The following AHCTF1 variants were observed in gnomAD, a reference collection of about 807,000 sequenced individuals.
The protein encoded by AHCTF1 is protein ELYS.
In AHCTF1, 24 loss-of-function variants were observed where a neutral mutation model predicts 248.4. The ratio of observed to expected loss-of-function variants is 0.10; its 90% CI spans 0.07 to 0.14. The LOEUF (loss-of-function observed/expected upper bound fraction) is 0.14. Ranked by LOEUF, AHCTF1 falls within the 10% of genes least tolerant of loss-of-function variation. The pLI is 1.00. For missense variants in AHCTF1, 2,206 were observed against 2,636.2 expected (o/e 0.84, Z 3.57); for synonymous variants, 786 against 929.8 (o/e 0.85, Z 2.81).
intron 1 of AHCTF1, among the ~76,000 whole-genome samples, chr1:246,930,199 G>A (rs1314761202): frequency 6.6e-6 from 1 of 152,090 alleles, no homozygotes; most frequent in African/African-American, 2.4e-5. Flanking sequence ...GCAGCGGCGC[G>A]ATCCTAGCTC....
At chr1:246,929,921 G>C (rs371220461) in intron 1 of AHCTF1, among the ~76,000 whole-genome samples, 1 of 151,938 alleles carries the variant, frequency 6.6e-6, no homozygotes, top group South Asian at 2.1e-4. Flanking sequence ...GTGTGGTGGC[G>C]TGCGCCTGTA....
intron 25 of AHCTF1, 76 bp from the exon 26 acceptor site, chr1:246,867,427 G>A (rs1662064324): frequency 9.4e-7 from 1 of 1,064,188 alleles, no homozygotes; most frequent in African/African-American, 1.6e-5. Context: ...GGAGAACAGA[G>A]GGTTTTCATT....
At chr1:246,885,449 AAC>A in intron 21 of AHCTF1, 42 bp downstream of exon 21, 1 of 1,483,386 alleles carries the variant, frequency 6.7e-7, no homozygotes, top group East Asian at 2.3e-5. Context: ...CCATTTTATT[AAC>A]AGATACGATA....
At chr1:246,878,396 CAAA>C (rs1199465751) in intron 21 of AHCTF1, among the ~76,000 whole-genome samples, 11 of 30,780 alleles carry the variant, frequency 3.6e-4, no homozygotes, top group South Asian at 2.2e-3. Context: ...GATTCTGTCT[CAAA>C]AAAAAAAAAA....
chr1:246,866,838 G>A (rs1163740830), intron 26 of AHCTF1, among the ~76,000 whole-genome samples: 3 of 152,062 alleles, frequency 2.0e-5, no homozygotes, highest in African/African-American at 4.8e-5. Flanking sequence ...AGATGTAAAC[G>A]TGCTGCATCT....
chr1:246,870,018 C>T (rs1186740638), intron 24 of AHCTF1, among the ~76,000 whole-genome samples: 1 of 152,174 alleles, frequency 6.6e-6, no homozygotes, highest in Non-Finnish European at 1.5e-5. Flanking sequence ...TGGGAGGAGT[C>T]AAACTATGCA....
chr1:246,868,368 G>A lies in AHCTF1; in HGVS notation c.3089-557C>T, dbSNP rs576701636. On this transcript the variant is annotated intron_variant, in intron 24 of 35. Coordinates refer to ENST00000648844, the MANE Select transcript of AHCTF1 (RefSeq NM_001323342.2). Reference sequence around the variant, plus strand: ...ACTCCTGACCTCATGTGATCCACCCGCCTTGGCCTCCCAAAGTGCTGGGAT... The same window carrying A: ...ACTCCTGACCTCATGTGATCCACCCACCTTGGCCTCCCAAAGTGCTGGGAT... Among the ~76,000 whole-genome samples the A allele has an allele frequency of 2.4e-4, 35 of 144,040 alleles. No homozygotes were observed. In the Middle Eastern group the frequency reaches 0.01, roughly 42 times the overall value. The allele number at this position is 144,040 out of a possible 152,430, so 94.5% of individuals were successfully genotyped here.
Position 246,851,208 on chromosome 1 carries a change from C to T in AHCTF1, c.4798G>A (p.Glu1600Lys). 1.9e-6 allele frequency: 3 copies of T among 1,613,950 alleles called. No homozygotes were observed. The highest frequency in any genetic ancestry group is 2.5e-6 in the Non-Finnish European group (3 of 1,179,862). Residue 1600 changes from glutamate (E) to lysine (K), a missense_variant, in exon 33 of 36, where the codon GAA becomes AAA. Physicochemically the swap from Glu to Lys is moderately conservative, Grantham distance 56 (BLOSUM62 1). Transcript: ENST00000648844. ...AAATCACCTGGCTCAACTTCTCCTT[C>T]TTCACCTTCCAATATCAAGGTAAAG... Reference protein sequence around the residue: ...SNFTLILEGEEGEVEPGDFAS... With the variant: ...SNFTLILEGEKGEVEPGDFAS...
chr1:246,860,822 T>G, intron 29 of AHCTF1, 77 bp downstream of exon 29: 3 of 1,531,016 alleles, frequency 2.0e-6, no homozygotes, highest in Non-Finnish European at 2.6e-6. Flanking sequence ...GCTTTTCTTA[T>G]GGTGGAAAAA....
intron 21 of AHCTF1, among the ~76,000 whole-genome samples, chr1:246,877,653 G>C (rs1351142421): frequency 1.3e-5 from 2 of 152,152 alleles, no homozygotes; most frequent in East Asian, 1.9e-4. Flanking sequence ...ACACTCAGTG[G>C]GAAGCGTGCG....
At chr1:246,860,606 A>G (rs1018506824) in intron 29 of AHCTF1, among the ~76,000 whole-genome samples, 7 of 152,184 alleles carry the variant, frequency 4.6e-5, no homozygotes, top group African/African-American at 1.4e-4. Flanking sequence ...GCTAAAGTAC[A>G]GTGGTGCAAT....
intron 26 of AHCTF1, among the ~76,000 whole-genome samples, chr1:246,865,954 A>G (rs1661948914): frequency 6.6e-6 from 1 of 152,096 alleles, no homozygotes; most frequent in South Asian, 2.1e-4. Context: ...TGTTAGAGCT[A>G]ATTTTTTTTT....
Position 246,863,939 on chromosome 1 carries a change from A to C in AHCTF1, c.3525T>G (p.Thr1175=). Residue 1175 remains threonine, a synonymous_variant, in exon 27 of 36, where the codon ACT becomes ACG. Coordinates refer to ENST00000648844, the MANE Select transcript of AHCTF1 (RefSeq NM_001323342.2). Reference sequence around the variant, plus strand: ...AAATACTAACCTTAACTACAAGAGGAGTTTCAAGCAAATGTAATTCTGAAG... The same window carrying C: ...AAATACTAACCTTAACTACAAGAGGCGTTTCAAGCAAATGTAATTCTGAAG... ...SRASELHLLE[T]PLVVKKAKSL... 1.2e-6 allele frequency: 2 copies of C among 1,614,008 alleles called. No homozygotes were observed. The highest frequency in any genetic ancestry group is 2.7e-5 in the African/African-American group (2 of 75,042).
intron 33 of AHCTF1, among the ~76,000 whole-genome samples, chr1:246,846,173 T>A (rs866092730): frequency 6.6e-6 from 1 of 150,422 alleles, no homozygotes; most frequent in Non-Finnish European, 1.5e-5. Context: ...TCATATTCAT[T>A]TAGTAAAACA....
chr1:246,891,961 T>C, intron 14 of AHCTF1, 42 bp from the exon 15 acceptor site: 3 of 1,547,828 alleles, frequency 1.9e-6, no homozygotes, highest in Non-Finnish European at 2.6e-6. Flanking sequence ...ATACAGTAAA[T>C]CTAAATAAAT....
chr1:246,880,809 CA>C (rs1305669457), intron 21 of AHCTF1, among the ~76,000 whole-genome samples: 3 of 152,108 alleles, frequency 2.0e-5, no homozygotes, highest in Non-Finnish European at 4.4e-5. Context: ...TGTTTTAAAA[CA>C]AAGTCTCCAA....
Position 246,907,595 on chromosome 1 carries a change from A to C in AHCTF1, c.720T>G (p.Ser240=). 2 of 1,613,862 alleles carry C rather than the reference A, an allele frequency of 1.2e-6. No individual in the cohort carries two copies. Among genetic ancestry groups the C allele is most frequent in the Non-Finnish European group, 1.7e-6 (2 of 1,179,800 alleles). The change falls in exon 5 of 36, where the codon TCT becomes TCG. Residue 240 remains serine, a synonymous_variant. Transcript: ENST00000648844. The stretch of plus-strand genomic sequence containing the variant: ...TGTTCCAAAGTGCTAGATAGCCATC[A>C]GAAAAACCTACAGCAAGCTGATTTG... ...SRTNQLAVGF[S]DGYLALWNMK...
rs976292015 is a variant in AHCTF1, at chr1:246,853,150, C to T, written c.4504G>A (p.Asp1502Asn). The T allele has an allele frequency of 8.1e-6, 13 of 1,612,562 alleles. No individual in the cohort carries two copies. Among genetic ancestry groups the T allele is most frequent in the Non-Finnish European group, 1.1e-5 (13 of 1,179,390 alleles). The change falls in exon 32 of 36, where the codon GAC (aspartate) becomes AAC (asparagine). Residue 1502 changes from aspartate to asparagine, a missense_variant. Asp to Asn is a conservative substitution (Grantham distance 23, BLOSUM62 1). Transcript: ENST00000648844. The stretch of plus-strand genomic sequence containing the variant: ...ATTGGAAGCTTTTCTTCTGGTAAGT[C>T]AACACTTTCTTTTAGTACACCAACT... ...VEVGVLKESV[D>N]LPEEKLPISD... is the part of the protein sequence containing the mutation.
chr1:246,896,365 A>G (rs1181991648), intron 12 of AHCTF1, among the ~76,000 whole-genome samples: 2 of 152,246 alleles, frequency 1.3e-5, no homozygotes, highest in Non-Finnish European at 2.9e-5. Flanking sequence ...ATACAACAGA[A>G]TATTATACAG....
Sources: allele counts gnomAD v4.1 joint callset (sites outside exome capture counted in the v4.1 genomes callset), GRCh38; gene constraint gnomAD v4.1.1; transcripts MANE v1.5; gene names NCBI Gene and HGNC (gene_info 2026-07-23, HGNC 2026-07-21).